Variants in ETV6 observed in about 807,000 individuals in gnomAD.
The protein encoded by ETV6 is transcription factor ETV6.
ETV6 carries 16 observed loss-of-function variants against 51.1 expected under a neutral mutation model. That is an observed-to-expected ratio of 0.31 (90% confidence interval 0.21 to 0.48). The LOEUF (loss-of-function observed/expected upper bound fraction) is 0.48, where lower values mean the gene tolerates loss of function less well. Ranked by LOEUF, ETV6 falls within the 20% of genes least tolerant of loss-of-function variation. The pLI is 0.99. For missense variants in ETV6, 458 were observed against 594.8 expected, an observed-to-expected ratio of 0.77 and a Z score of 2.39; for synonymous variants, 240 against 224.1, an observed-to-expected ratio of 1.07 and a Z score of -0.64.
intron 1 of ETV6, among the ~76,000 whole-genome samples, chr12:11,709,299 C>T (rs758002831): frequency 2.6e-5 from 4 of 152,050 alleles, no homozygotes; most frequent in African/African-American, 9.7e-5. Flanking sequence ...GATTTTATTC[C>T]GTTCCTTTTT....
At chr12:11,650,503 C>CAA (rs1393080284) in intron 1 of ETV6, among the ~76,000 whole-genome samples, 1 of 120,144 alleles carries the variant, frequency 8.3e-6, no homozygotes, top group African/African-American at 3.3e-5. Context: ...AAACAAAAAA[C>CAA]AAAAAAAAAA....
In ETV6 at chr12:11,869,771, A is replaced by G. The variant is rs1368398544; in HGVS notation, c.811A>G (p.Ser271Gly). Residue 271 changes from serine (S) to glycine (G), a missense_variant, in exon 5 of 8, where the codon AGC (serine) becomes GGC (glycine). Physicochemically the swap from Ser to Gly is moderately conservative, Grantham distance 56 (BLOSUM62 0). Coordinates refer to ENST00000396373, the MANE Select transcript of ETV6 (RefSeq NM_001987.5). This position sits in a 1 kb window ranked among gnomAD's most constrained non-coding sequence, Gnocchi z 5.0. ...ESTRVIQLMP[S>G]PIMHPLILNP... ...CACACGCGTGATCCAGCTGATGCCC[A>G]GCCCCATCATGCACCCTCTGATCCT... The G allele has an allele frequency of 6.2e-7, 1 of 1,613,372 alleles. No individual in the cohort carries two copies. The highest frequency in any genetic ancestry group is 1.7e-5 in the Admixed American group (1 of 60,024).
chr12:11,657,948 TACAG>T (rs1193809760), intron 1 of ETV6, among the ~76,000 whole-genome samples: 2 of 152,102 alleles, frequency 1.3e-5, no homozygotes, highest in East Asian at 3.9e-4. Context: ...AGGGGAAGAG[TACAG>T]ACAATGGAGT....
intron 1 of ETV6, among the ~76,000 whole-genome samples, chr12:11,652,556 C>T (rs1389181428): frequency 6.6e-6 from 1 of 152,190 alleles, no homozygotes; most frequent in Non-Finnish European, 1.5e-5. Context: ...TACCGAACTC[C>T]TGTGACACAA....
At chr12:11,802,659 A>G (rs144087569) in intron 2 of ETV6, among the ~76,000 whole-genome samples, 1 of 152,228 alleles carries the variant, frequency 6.6e-6, no homozygotes, top group Non-Finnish European at 1.5e-5. Flanking sequence ...CCATAGCACA[A>G]AATTCTTAAA....
intron 1 of ETV6, among the ~76,000 whole-genome samples, chr12:11,675,730 C>T (rs1402898999): frequency 2.0e-5 from 3 of 152,038 alleles, no homozygotes; most frequent in Admixed American, 6.5e-5. Context: ...AGTAGGATCC[C>T]CTGAGTCTAG....
intron 1 of ETV6, among the ~76,000 whole-genome samples, chr12:11,690,866 G>A (rs1235119256): frequency 4.5e-5 from 6 of 134,524 alleles, no homozygotes; most frequent in African/African-American, 8.6e-5. Flanking sequence ...CAGCCTGGGC[G>A]ACAGAGTGAG....
At chr12:11,731,538 A>G (rs2724603) in intron 1 of ETV6, among the ~76,000 whole-genome samples, 149,716 of 152,262 alleles carry the variant, frequency 0.98, 73,641 homozygotes, top group Middle Eastern at 1. Context: ...AGAGAAGAGA[A>G]AGAATAATTT....
chr12:11,661,180 C>T (rs1341867014), intron 1 of ETV6, among the ~76,000 whole-genome samples: 3 of 151,834 alleles, frequency 2.0e-5, no homozygotes, highest in African/African-American at 4.8e-5. Flanking sequence ...TTTGTGGAGA[C>T]GAGGTCTTGC....
chr12:11,691,538 A>G (rs1165430641), intron 1 of ETV6, among the ~76,000 whole-genome samples: 2 of 152,370 alleles, frequency 1.3e-5, no homozygotes, highest in Admixed American at 1.3e-4. Flanking sequence ...ATGTAGCTAT[A>G]TAGATATGTA....
chr12:11,809,192 A>G (rs1229867278), intron 2 of ETV6, among the ~76,000 whole-genome samples: 1 of 151,754 alleles, frequency 6.6e-6, no homozygotes, highest in African/African-American at 2.4e-5. Context: ...GGAAGTGAGC[A>G]AAAGAGAGGT....
chr12:11,795,717 A>G (rs1945666165), intron 2 of ETV6, among the ~76,000 whole-genome samples: 1 of 152,236 alleles, frequency 6.6e-6, no homozygotes, highest in Non-Finnish European at 1.5e-5. Flanking sequence ...CAGAAAGGTA[A>G]TATTGTACAG....
At chr12:11,844,917 C>T (rs369555574) in intron 3 of ETV6, among the ~76,000 whole-genome samples, 1 of 152,012 alleles carries the variant, frequency 6.6e-6, no homozygotes, top group Admixed American at 6.5e-5. Flanking sequence ...CTGCAACCTC[C>T]GCCTCCAGGG....
chr12:11,678,593 A>G (rs1179781495), intron 1 of ETV6, among the ~76,000 whole-genome samples: 17 of 152,220 alleles, frequency 1.1e-4, no homozygotes, highest in African/African-American at 2.4e-4. Context: ...TCAAGAATTA[A>G]TATGAGTTAT....
intron 1 of ETV6, among the ~76,000 whole-genome samples, chr12:11,743,246 G>A (rs975604583): frequency 6.6e-6 from 1 of 152,138 alleles, no homozygotes; most frequent in South Asian, 2.1e-4. Context: ...TGGTTTTGTT[G>A]AAAATTATTT....
chr12:11,755,953 C>T (rs992979797), intron 2 of ETV6, among the ~76,000 whole-genome samples: 3 of 152,172 alleles, frequency 2.0e-5, no homozygotes, highest in Non-Finnish European at 4.4e-5. Flanking sequence ...AACTTATATT[C>T]TTGTGGATGG....
intron 2 of ETV6, among the ~76,000 whole-genome samples, chr12:11,784,468 A>G (rs1321701355): frequency 6.6e-6 from 1 of 152,120 alleles, no homozygotes; most frequent in Non-Finnish European, 1.5e-5. Flanking sequence ...CAAAAAAAAA[A>G]AAAAAAAGAT....
chr12:11,734,028 T>G (rs1251892104), intron 1 of ETV6, among the ~76,000 whole-genome samples: 1 of 152,220 alleles, frequency 6.6e-6, no homozygotes, highest in African/African-American at 2.4e-5. Flanking sequence ...CTATCCAATC[T>G]AGATAGATGG....
intron 2 of ETV6, among the ~76,000 whole-genome samples, chr12:11,764,654 T>A (rs1381522491): frequency 6.6e-6 from 1 of 152,218 alleles, no homozygotes; most frequent in East Asian, 1.9e-4. Context: ...TGAGTTGAAG[T>A]AAGTGGTCAG....
Sources: gnomAD v4.1 joint callset for allele counts (sites outside exome capture counted in the v4.1 genomes callset) on GRCh38, gnomAD v4.1.1 for gene constraint, Gnocchi (gnomAD v3.1) non-coding constraint, MANE v1.5 for transcripts, NCBI Gene and HGNC (gene_info 2026-07-23, HGNC 2026-07-21) for gene names.